Variants in SBF2 observed in about 807,000 individuals in gnomAD.
The protein encoded by SBF2 is myotubularin-related protein 13.
Under a neutral mutation model 225.2 loss-of-function variants are expected in SBF2, and 112 were observed. The observed-to-expected ratio is 0.50, with a 90% CI of 0.43 to 0.58. SBF2 has a LOEUF of 0.58. Ranked by LOEUF, SBF2 falls within the 20% of genes least tolerant of loss-of-function variation. The pLI, the probability that SBF2 is intolerant of heterozygous loss-of-function variation, is 0.00. For synonymous variants in SBF2, 763 were observed against 773.3 expected (o/e 0.99, Z 0.22); for missense variants, 1,996 against 2,206.2 (o/e 0.90, Z 1.91).
chr11:9,839,579 G>T lies in SBF2; in HGVS notation c.3374C>A (p.Thr1125Asn). 6.2e-7 allele frequency: 1 copy of T among 1,614,128 alleles called. No individual in the cohort carries two copies. The highest frequency in any genetic ancestry group is 8.5e-7 in the Non-Finnish European group (1 of 1,180,010). ...FRDYQRLGLG[T>N]ISGSSSRSRP... is the part of the protein sequence containing the mutation. The stretch of plus-strand genomic sequence containing the variant: ...TGAACGGGAAGAGCTGCCACTTATG[G>T]TTCCTAAACCTAAACGCTGATAGTC... The change falls in exon 26 of 40, where the codon ACC becomes AAC. Residue 1125 changes from threonine to asparagine, a missense_variant. Physicochemically the swap from Thr to Asn is moderately conservative, Grantham distance 65. Transcript: ENST00000256190.
chr11:9,958,710 G>T, intron 16 of SBF2: 1 of 375,894 alleles, frequency 2.7e-6, no homozygotes. Context: ...AGTACTAGGA[G>T]GGGCTTGACA....
At chr11:10,293,790 G>A (rs552858168) in intron 1 of SBF2, among the ~76,000 whole-genome samples, 1 of 152,286 alleles carries the variant, frequency 6.6e-6, no homozygotes, top group South Asian at 2.1e-4. Context: ...GCGCCCAGGG[G>A]CTGGGCAGAC....
intron 28 of SBF2, among the ~76,000 whole-genome samples, chr11:9,821,584 C>G (rs915785580): frequency 6.6e-6 from 1 of 152,148 alleles, no homozygotes; most frequent in Non-Finnish European, 1.5e-5. Context: ...TTCTAGATGT[C>G]CTGGGCACTT....
chr11:10,284,997 C>A (rs1190301164), intron 1 of SBF2, among the ~76,000 whole-genome samples: 1 of 151,690 alleles, frequency 6.6e-6, no homozygotes, highest in Non-Finnish European at 1.5e-5. Context: ...TGAAAAGACA[C>A]TTTAGGAACA....
chr11:10,189,773 T>C (rs907549210), intron 2 of SBF2, among the ~76,000 whole-genome samples: 5 of 152,220 alleles, frequency 3.3e-5, no homozygotes, highest in African/African-American at 1.2e-4. Context: ...AAAACCTTAG[T>C]ACAGGCATGC....
intron 2 of SBF2, among the ~76,000 whole-genome samples, chr11:10,098,336 G>A (rs909657683): frequency 6.6e-6 from 1 of 151,962 alleles, no homozygotes; most frequent in South Asian, 2.1e-4. Context: ...TATATCCACA[G>A]AAAAGGTCTG....
chr11:9,787,805 C>A (rs976630766), intron 35 of SBF2, 67 bp from the exon 36 acceptor site: 2 of 1,350,470 alleles, frequency 1.5e-6, no homozygotes, highest in East Asian at 2.3e-5. Flanking sequence ...CAAAGCCACA[C>A]TGCTTCTGTA....
At chr11:9,989,426 C>T (rs1947330332) in intron 13 of SBF2, 71 bp downstream of exon 13, 1 of 985,626 alleles carries the variant, frequency 1.0e-6, no homozygotes, top group Non-Finnish European at 1.5e-6. Flanking sequence ...AACACCCGTA[C>T]CCCAATAACT....
intron 16 of SBF2, among the ~76,000 whole-genome samples, chr11:9,947,351 A>C (rs1218584267): frequency 3.9e-5 from 6 of 152,192 alleles, no homozygotes; most frequent in African/African-American, 1.2e-4. Context: ...CTAAAAGATA[A>C]ATCAAGTAAG....
intron 1 of SBF2, among the ~76,000 whole-genome samples, chr11:10,264,647 CAT>C (rs1297714423): frequency 2.0e-5 from 3 of 151,970 alleles, no homozygotes; most frequent in African/African-American, 7.3e-5. Flanking sequence ...AGTTTTGTTA[CAT>C]AGTTATATAC....
At chr11:10,264,319 TGACAGA>T (rs200704376) in intron 1 of SBF2, among the ~76,000 whole-genome samples, 3,254 of 152,248 alleles carry the variant, frequency 0.021, 88 homozygotes, top group African/African-American at 0.064. Flanking sequence ...TGAGAATAAC[TGACAGA>T]GTTATAATAA....
chr11:10,296,065 G>A (rs1323280320), upstream of SBF2, among the ~76,000 whole-genome samples: 2 of 151,906 alleles, frequency 1.3e-5, no homozygotes, highest in Non-Finnish European at 2.9e-5. Context: ...CACAGCCCCT[G>A]GCAATCACCA....
At chr11:9,819,047 G>A (rs1053681503) in intron 28 of SBF2, among the ~76,000 whole-genome samples, 1 of 152,176 alleles carries the variant, frequency 6.6e-6, no homozygotes, top group South Asian at 2.1e-4. Context: ...CGTAGTTTAC[G>A]AGGTTTTCTT....
Position 10,303,105 on chromosome 11 carries a change from G to A in SBF2, n.386+1387C>T, listed in dbSNP as rs376923080. 6.6e-6 allele frequency: 1 copy of A among 152,456 alleles called. No individual in the cohort carries two copies. Among genetic ancestry groups the A allele is most frequent in the South Asian group, 2.1e-4 (1 of 4,834 alleles). The allele number at this position is 152,456 out of a possible 1,614,324, so 9.4% of individuals were successfully genotyped here. A position where few individuals can be genotyped will look rare whatever the true frequency, so the allele number is the denominator to read the frequency against. On this transcript the variant is annotated intron_variant and non_coding_transcript_variant, in intron 1 of 5. Coordinates refer to the SBF2 transcript ENST00000685217. This position sits in a 1 kb window ranked among gnomAD's most constrained non-coding sequence, Gnocchi z 5.2. ...AAAGGAAATGGGAGACAAGGGAGAA[G>A]AACAATAGTTAGGCTGGGGAGGCTC... is the stretch of plus-strand genomic sequence containing the variant.
At chr11:10,145,080 A>G (rs1954825322) in intron 2 of SBF2, among the ~76,000 whole-genome samples, 1 of 152,200 alleles carries the variant, frequency 6.6e-6, no homozygotes, top group African/African-American at 2.4e-5. Flanking sequence ...CACGTAGCAC[A>G]AAGAGGCGAT....
chr11:9,812,535 T>C lies in SBF2; in HGVS notation c.4152A>G (p.Pro1384=). ...AAGAAGCTGCTTCAGACATTACCTG[T>C]GGGAACCACTCAGAATCTCCCAGCG... is the stretch of plus-strand genomic sequence containing the variant. ...LKALGDSEWF[P]QLHRIMQLAV... is the part of the protein sequence containing the mutation. The change falls in exon 30 of 40, where the codon CCA becomes CCG. Residue 1384 remains proline (P), a synonymous_variant. Transcript: ENST00000256190. The C allele has an allele frequency of 6.2e-7, 1 of 1,614,172 alleles. No individual in the cohort carries two copies.
At chr11:9,924,462 C>T (rs1230513475) in intron 16 of SBF2, among the ~76,000 whole-genome samples, 4 of 152,046 alleles carry the variant, frequency 2.6e-5, no homozygotes, top group East Asian at 1.9e-4. Context: ...GACAGAGTCT[C>T]GCTCTGTTGC....
chr11:9,861,628 T>C lies in SBF2; in HGVS notation c.1930-3232A>G, dbSNP rs142849686. 7.0e-3 allele frequency among the ~76,000 whole-genome samples: 1,014 copies of C among 143,854 alleles called. 11 individuals carry two copies. The highest frequency in any genetic ancestry group is 0.025 in the African/African-American group (956 of 38,384). 94.4% of individuals were successfully genotyped at this position (143,854 alleles called of 152,430 possible). ...GCAGTGAGCTGAGATCGCGCCACTG[T>C]ACTCCAGCCTAGGCAACAGAGTGAG... On this transcript the variant is annotated intron_variant, in intron 17 of 39. Transcript: ENST00000256190.
At chr11:9,919,332 C>T (rs1373230707) in intron 16 of SBF2, among the ~76,000 whole-genome samples, 1 of 149,622 alleles carries the variant, frequency 6.7e-6, no homozygotes. Context: ...ATGGCACCAT[C>T]TTGGCTTGTA....
Sources: allele counts gnomAD v4.1 joint callset (sites outside exome capture counted in the v4.1 genomes callset), GRCh38; gene constraint gnomAD v4.1.1; non-coding constraint Gnocchi (gnomAD v3.1); transcripts MANE v1.5; gene names NCBI Gene and HGNC (gene_info 2026-07-23, HGNC 2026-07-21).